The following GRIN2A variants were observed in gnomAD, a reference collection of about 807,000 sequenced individuals.
GRIN2A encodes the protein glutamate ionotropic receptor NMDA type subunit 2A, also known as glutamate receptor ionotropic, NMDA 2A.
GRIN2A carries 22 observed loss-of-function variants against 113.4 expected under a neutral mutation model. The ratio of observed to expected loss-of-function variants is 0.19; its 90% CI spans 0.14 to 0.28. The LOEUF (loss-of-function observed/expected upper bound fraction) is 0.28. Ranked by LOEUF, GRIN2A falls within the 10% of genes least tolerant of loss-of-function variation. GRIN2A has a pLI of 1.00. For synonymous variants in GRIN2A, 827 were observed against 738.4 expected (o/e 1.12, Z -1.94); for missense variants, 1,502 against 1,887.0 (o/e 0.80, Z 3.78).
intron 2 of GRIN2A, among the ~76,000 whole-genome samples, chr16:10,078,002 C>A (rs2047909593): frequency 6.6e-6 from 1 of 152,206 alleles, no homozygotes; most frequent in African/African-American, 2.4e-5. Context: ...CTCTCTAAGC[C>A]TCTTTTTCCT....
chr16:9,920,105 G>C (rs1230519539), intron 3 of GRIN2A, among the ~76,000 whole-genome samples: 2 of 152,176 alleles, frequency 1.3e-5, no homozygotes, highest in African/African-American at 4.8e-5. Context: ...GCTTTGAGCA[G>C]CATGCTTTTT....
At chr16:9,781,817 A>G (rs932115924) in intron 11 of GRIN2A, among the ~76,000 whole-genome samples, 1 of 152,228 alleles carries the variant, frequency 6.6e-6, no homozygotes, top group Non-Finnish European at 1.5e-5. Context: ...ATCGTTATCT[A>G]TACTAGCCAA....
chr16:9,932,647 T>G (rs915022413), intron 3 of GRIN2A, among the ~76,000 whole-genome samples: 57 of 152,174 alleles, frequency 3.7e-4, no homozygotes, highest in African/African-American at 1.3e-3. Context: ...CCTCCCAAAG[T>G]GCTGGGATTA....
chr16:10,143,617 T>G (rs1307714612), intron 2 of GRIN2A, among the ~76,000 whole-genome samples: 2 of 152,178 alleles, frequency 1.3e-5, no homozygotes, highest in African/African-American at 2.4e-5. Context: ...TTCTGAGATT[T>G]GCATTAAAAT....
chr16:10,054,040 T>C (rs1596465332), intron 2 of GRIN2A, among the ~76,000 whole-genome samples: 1 of 152,200 alleles, frequency 6.6e-6, no homozygotes, highest in Non-Finnish European at 1.5e-5. Flanking sequence ...TAAATGGATA[T>C]ATTTGAATAT....
At chr16:10,094,455 T>G (rs977958633) in intron 2 of GRIN2A, among the ~76,000 whole-genome samples, 1 of 115,152 alleles carries the variant, frequency 8.7e-6, no homozygotes, top group East Asian at 2.0e-4. Flanking sequence ...AAGAAAACAG[T>G]TTTTTTTTTT....
chr16:9,917,867 GTTGTACA>G (rs1274982907), intron 3 of GRIN2A, among the ~76,000 whole-genome samples: 1 of 152,112 alleles, frequency 6.6e-6, no homozygotes, highest in Non-Finnish European at 1.5e-5. Flanking sequence ...TGAGACTGTC[GTTGTACA>G]TTTTTAAAAA....
intron 3 of GRIN2A, among the ~76,000 whole-genome samples, chr16:9,924,336 A>G (rs1164016248): frequency 6.6e-6 from 1 of 152,168 alleles, no homozygotes; most frequent in East Asian, 1.9e-4. Flanking sequence ...GTGGAAAGAT[A>G]TTATTACTGT....
At chr16:9,984,171 G>C (rs1303652668) in intron 2 of GRIN2A, among the ~76,000 whole-genome samples, 1 of 151,438 alleles carries the variant, frequency 6.6e-6, no homozygotes, top group Non-Finnish European at 1.5e-5. Flanking sequence ...TCATAAACTT[G>C]TCCATTTGCA....
intron 2 of GRIN2A, among the ~76,000 whole-genome samples, chr16:10,002,848 G>A (rs1384867622): frequency 6.6e-6 from 1 of 152,198 alleles, no homozygotes; most frequent in East Asian, 1.9e-4. Context: ...GGACACATTT[G>A]TGAACGAGAG....
At chr16:9,859,158 T>TTC (rs918340407) in intron 4 of GRIN2A, among the ~76,000 whole-genome samples, 1 of 151,960 alleles carries the variant, frequency 6.6e-6, no homozygotes, top group Non-Finnish European at 1.5e-5. Context: ...TTTTCTCACT[T>TTC]TCTCTCTCTC....
At chr16:9,830,027 G>A (rs1417368891) in intron 8 of GRIN2A, among the ~76,000 whole-genome samples, 2 of 152,144 alleles carry the variant, frequency 1.3e-5, no homozygotes, top group Non-Finnish European at 2.9e-5. Flanking sequence ...TGTGTGCATG[G>A]GGACTGCTTC....
rs143521244 is a variant in GRIN2A, at chr16:10,093,815, G to T, written c.414+86183C>A. 2.9e-3 allele frequency among the ~76,000 whole-genome samples: 448 copies of T among 152,224 alleles called. 1 individual carries two copies. The highest frequency in any genetic ancestry group is 0.01 in the African/African-American group (419 of 41,550). On this transcript the variant is annotated intron_variant, in intron 2 of 12. Coordinates refer to ENST00000330684, the MANE Select transcript of GRIN2A (RefSeq NM_001134407.3). ...GTTTGGCCAATTACGTGAGGGAGAC[G>T]TGCCAGTGTGCCGGTTTTGGCTTTT...
At chr16:9,902,703 C>A (rs1015243188) in intron 3 of GRIN2A, among the ~76,000 whole-genome samples, 1 of 151,916 alleles carries the variant, frequency 6.6e-6, no homozygotes. Context: ...CCACACACTT[C>A]TTTATTTTTC....
chr16:10,080,545 G>A (rs1167728906), intron 2 of GRIN2A, among the ~76,000 whole-genome samples: 1 of 152,180 alleles, frequency 6.6e-6, no homozygotes, highest in Non-Finnish European at 1.5e-5. Flanking sequence ...GGCTATTCTT[G>A]GAAGCCGAGC....
At chr16:9,945,681 T>C (rs1315193100) in intron 2 of GRIN2A, among the ~76,000 whole-genome samples, 1 of 152,148 alleles carries the variant, frequency 6.6e-6, no homozygotes, top group East Asian at 1.9e-4. Flanking sequence ...TCTGTGCCAA[T>C]AGGTAAGCCT....
At chr16:10,058,191 G>A (rs989002317) in intron 2 of GRIN2A, among the ~76,000 whole-genome samples, 1 of 151,798 alleles carries the variant, frequency 6.6e-6, no homozygotes, top group Admixed American at 6.6e-5. Flanking sequence ...GGAGGCAGAG[G>A]TTGCAGTGAG....
At chr16:9,974,753 T>G (rs201027016) in intron 2 of GRIN2A, among the ~76,000 whole-genome samples, 1 of 152,242 alleles carries the variant, frequency 6.6e-6, no homozygotes, top group African/African-American at 2.4e-5. Flanking sequence ...ATGTTTCATG[T>G]GATCCCTAGA....
At chr16:10,020,840 G>T (rs2046707082) in intron 2 of GRIN2A, among the ~76,000 whole-genome samples, 1 of 152,138 alleles carries the variant, frequency 6.6e-6, no homozygotes, top group Non-Finnish European at 1.5e-5. Flanking sequence ...GCCAGGTTTA[G>T]CAGGGGTCCT....
Sources: gnomAD v4.1 joint callset for allele counts (sites outside exome capture counted in the v4.1 genomes callset) on GRCh38, gnomAD v4.1.1 for gene constraint, MANE v1.5 for transcripts, NCBI Gene and HGNC (gene_info 2026-07-23, HGNC 2026-07-21) for gene names.